NAALADL2: variants seen among roughly 807,000 people sequenced by gnomAD.
The protein encoded by NAALADL2 is N-acetylated alpha-linked acidic dipeptidase like 2.
A neutral mutation model predicts 87.2 loss-of-function variants in NAALADL2; 76 were observed. The ratio of observed to expected loss-of-function variants is 0.87; its 90% confidence interval spans 0.72 to 1.05. NAALADL2 has a LOEUF of 1.05. Ranked by LOEUF, NAALADL2 falls within the 50% of genes least tolerant of loss-of-function variation. The pLI, the probability that NAALADL2 is intolerant of heterozygous loss-of-function variation, is 0.00. For missense variants in NAALADL2, 1,089 were observed against 945.8 expected (o/e 1.15, Z -1.99); for synonymous variants, 354 against 331.0 (o/e 1.07, Z -0.75).
intron 3 of NAALADL2, among the ~76,000 whole-genome samples, chr3:174,753,938 C>T (rs1158584274): frequency 6.6e-6 from 1 of 152,004 alleles, no homozygotes; most frequent in African/African-American, 2.4e-5. Flanking sequence ...AGATGAGAGG[C>T]CAAAATAAGG....
chr3:174,695,580 CT>C (rs1728948540), intron 2 of NAALADL2, among the ~76,000 whole-genome samples: 1 of 151,804 alleles, frequency 6.6e-6, no homozygotes, highest in Non-Finnish European at 1.5e-5. Context: ...CATACTGAAA[CT>C]AAAAGAAATA....
intron 5 of NAALADL2, among the ~76,000 whole-genome samples, chr3:175,431,820 A>T (rs1182171225): frequency 6.6e-6 from 1 of 152,132 alleles, no homozygotes; most frequent in East Asian, 1.9e-4. Flanking sequence ...AAGTCTTCCT[A>T]CTGAATCCGT....
chr3:174,513,390 A>C (rs550482762), intron 1 of NAALADL2: 1 of 152,292 alleles, frequency 6.6e-6, no homozygotes, highest in Admixed American at 6.5e-5. Flanking sequence ...CAATTTAATT[A>C]TCTTATCTAT....
chr3:174,607,207 A>G (rs1386633372), intron 2 of NAALADL2, among the ~76,000 whole-genome samples: 1 of 152,128 alleles, frequency 6.6e-6, no homozygotes, highest in Non-Finnish European at 1.5e-5. Context: ...AGCCGCTGCA[A>G]AATCATGCCA....
chr3:174,643,110 T>C (rs1289687458), intron 2 of NAALADL2, among the ~76,000 whole-genome samples: 1 of 151,994 alleles, frequency 6.6e-6, no homozygotes, highest in Non-Finnish European at 1.5e-5. Flanking sequence ...GCAAGAAAAG[T>C]GTTGGCTGAT....
intron 9 of NAALADL2, among the ~76,000 whole-genome samples, chr3:175,498,923 T>C (rs138978682): frequency 6.6e-6 from 1 of 152,248 alleles, no homozygotes; most frequent in East Asian, 1.9e-4. Context: ...AGAGATCCTA[T>C]CTGCATTCTT....
intron 5 of NAALADL2, among the ~76,000 whole-genome samples, chr3:175,407,214 G>C (rs1712574074): frequency 6.6e-6 from 1 of 152,062 alleles, no homozygotes; most frequent in South Asian, 2.1e-4. Context: ...GTGTCAGCTA[G>C]TTATCTGAAA....
At chr3:174,629,224 C>T (rs142179169) in intron 2 of NAALADL2, among the ~76,000 whole-genome samples, 71 of 152,164 alleles carry the variant, frequency 4.7e-4, no homozygotes, top group African/African-American at 1.5e-3. Context: ...ATACTAGAAA[C>T]ATAGAAGAGT....
chr3:174,448,792 G>A (rs141716414), intron 1 of NAALADL2, among the ~76,000 whole-genome samples: 17 of 152,274 alleles, frequency 1.1e-4, no homozygotes, highest in East Asian at 3.9e-4. Flanking sequence ...CAGGTAGTCC[G>A]TTCAGGCAAT....
At chr3:175,629,301 C>T in intron 11 of NAALADL2, among the ~76,000 whole-genome samples, 1 of 148,564 alleles carries the variant, frequency 6.7e-6, no homozygotes, top group Non-Finnish European at 1.5e-5. Context: ...CGCAGACACA[C>T]ATAGACACAC....
chr3:175,700,982 T>C (rs559634351), intron 11 of NAALADL2, among the ~76,000 whole-genome samples: 13 of 152,116 alleles, frequency 8.5e-5, no homozygotes, highest in Non-Finnish European at 1.5e-4. Flanking sequence ...ACTATGGAGA[T>C]AAATGAAATG....
chr3:174,604,396 C>A (rs1718767562), intron 2 of NAALADL2, among the ~76,000 whole-genome samples: 1 of 152,002 alleles, frequency 6.6e-6, no homozygotes, highest in Non-Finnish European at 1.5e-5. Flanking sequence ...GCTGTTTTTT[C>A]ATTTCCATTG....
At chr3:174,930,580 A>G (rs1180400880) in intron 1 of NAALADL2, among the ~76,000 whole-genome samples, 2 of 149,366 alleles carry the variant, frequency 1.3e-5, no homozygotes, top group Non-Finnish European at 3.0e-5. Flanking sequence ...ATACCAAAAT[A>G]ACAATTATTT....
chr3:175,414,689 A>G (rs914114280), intron 5 of NAALADL2, among the ~76,000 whole-genome samples: 5 of 152,184 alleles, frequency 3.3e-5, no homozygotes, highest in African/African-American at 1.2e-4. Flanking sequence ...AGTTCCTTCA[A>G]CTCTGGTAAC....
intron 1 of NAALADL2, among the ~76,000 whole-genome samples, chr3:175,043,973 A>C (rs1333898790): frequency 6.6e-6 from 1 of 152,158 alleles, no homozygotes; most frequent in East Asian, 1.9e-4. Context: ...ACATAATACA[A>C]ATATTTGAAA....
intron 1 of NAALADL2, among the ~76,000 whole-genome samples, chr3:174,985,933 C>A (rs545833505): frequency 6.6e-6 from 1 of 151,582 alleles, no homozygotes; most frequent in Non-Finnish European, 1.5e-5. Context: ...GCCTGGGCAA[C>A]GAGAGCGAAA....
At chr3:174,478,991 G>A (rs1717383859) in intron 1 of NAALADL2, among the ~76,000 whole-genome samples, 2 of 152,172 alleles carry the variant, frequency 1.3e-5, no homozygotes, top group African/African-American at 4.8e-5. Context: ...TCACAGGCGT[G>A]AGCCACCATG....
chr3:174,983,731 A>G (rs1416884734), intron 1 of NAALADL2, among the ~76,000 whole-genome samples: 3 of 152,146 alleles, frequency 2.0e-5, no homozygotes, highest in East Asian at 3.9e-4. Flanking sequence ...TAATACCATT[A>G]CCTTGGTAAT....
At chr3:174,706,468 A>G (rs1730080117) in intron 2 of NAALADL2, among the ~76,000 whole-genome samples, 2 of 152,232 alleles carry the variant, frequency 1.3e-5, no homozygotes, top group African/African-American at 4.8e-5. Context: ...TACAATATCA[A>G]AATTAAAATT....
Sources: allele counts gnomAD v4.1 joint callset (sites outside exome capture counted in the v4.1 genomes callset), GRCh38; gene constraint gnomAD v4.1.1; transcripts MANE v1.5; gene names NCBI Gene and HGNC (gene_info 2026-07-23, HGNC 2026-07-21).